SH2D4A: variants seen among roughly 807,000 people sequenced by gnomAD.
The protein encoded by SH2D4A is SH2 domain-containing protein 4A.
Under a neutral mutation model 64.7 loss-of-function variants are expected in SH2D4A, and 70 were observed. That is an observed-to-expected ratio of 1.08 (90% confidence interval 0.89 to 1.32). The LOEUF is 1.32. Ranked by LOEUF, SH2D4A falls within the 40% of genes most tolerant of loss-of-function variation. The pLI is 0.00. For synonymous variants in SH2D4A, 268 were observed against 200.7 expected (o/e 1.34, Z -2.83); for missense variants, 706 against 540.1 (o/e 1.31, Z -3.04).
At chr8:19,330,957 C>T (rs1027656419) in intron 2 of SH2D4A, among the ~76,000 whole-genome samples, 3 of 152,218 alleles carry the variant, frequency 2.0e-5, no homozygotes, top group Non-Finnish European at 4.4e-5. Flanking sequence ...GCACTGGTGC[C>T]CAGCCCCATT....
chr8:19,395,811 T>C lies in SH2D4A; in HGVS notation c.*1169T>C, dbSNP rs2053580712. ...ATAAATGTCTGTTGTTTTAAGCTGCTTAGTTCATGCTGAGTTCATGCTGAC... is the reference window on the plus strand; with the variant it reads ...ATAAATGTCTGTTGTTTTAAGCTGCCTAGTTCATGCTGAGTTCATGCTGAC... On this transcript the variant is annotated 3_prime_UTR_variant, in exon 10 of 10. Transcript: ENST00000265807. The C allele has an allele frequency of 6.6e-6, 1 of 152,218 alleles. No homozygotes were observed. Among genetic ancestry groups the C allele is most frequent in the South Asian group, 2.1e-4 (1 of 4,834 alleles). The allele number at this position is 152,218 out of a possible 1,614,324, so 9.4% of individuals were successfully genotyped here.
intron 4 of SH2D4A, among the ~76,000 whole-genome samples, chr8:19,353,776 A>G (rs2052747494): frequency 6.7e-6 from 1 of 149,280 alleles, no homozygotes. Context: ...GTGTAAGTGT[A>G]TCTAAATGAG....
At chr8:19,370,618 T>C (rs1056499596) in intron 7 of SH2D4A, among the ~76,000 whole-genome samples, 4 of 152,110 alleles carry the variant, frequency 2.6e-5, no homozygotes, top group Non-Finnish European at 5.9e-5. Context: ...TTCCAGACTA[T>C]GCATGTCCTT....
intron 7 of SH2D4A, among the ~76,000 whole-genome samples, chr8:19,365,213 G>GAAA (rs2052972370): frequency 6.6e-6 from 1 of 152,118 alleles, no homozygotes; most frequent in Non-Finnish European, 1.5e-5. Context: ...GACCTCAGGG[G>GAAA]AAACACAAAG....
intron 6 of SH2D4A, among the ~76,000 whole-genome samples, chr8:19,363,409 C>G (rs1438958976): frequency 6.6e-6 from 1 of 152,096 alleles, no homozygotes; most frequent in Non-Finnish European, 1.5e-5. Context: ...CACAAATACT[C>G]TTGTGTTACA....
In SH2D4A at chr8:19,363,896, C is replaced by T. The variant is rs528166765; in HGVS notation, c.707-176C>T. ...ATGAAGAGAGGAATCCTGCAGCGAACGCTGGGCAAGCCCTAATGGCCTGGA... is the reference window on the plus strand; with the variant it reads ...ATGAAGAGAGGAATCCTGCAGCGAATGCTGGGCAAGCCCTAATGGCCTGGA... On this transcript the variant is annotated intron_variant, in intron 6 of 9. Coordinates refer to ENST00000265807, the MANE Select transcript of SH2D4A (RefSeq NM_022071.4). 4.7e-4 allele frequency: 298 copies of T among 629,808 alleles called. 3 individuals carry two copies. The South Asian group carries it at 5.3e-3, about 11-fold the overall frequency. The allele number at this position is 629,808 out of a possible 1,614,324, so 39.0% of individuals were successfully genotyped here. A position where few individuals can be genotyped will look rare whatever the true frequency, so the allele number is the denominator to read the frequency against.
chr8:19,337,484 T>C (rs2052461634), intron 4 of SH2D4A, among the ~76,000 whole-genome samples: 1 of 152,042 alleles, frequency 6.6e-6, no homozygotes, highest in Non-Finnish European at 1.5e-5. Context: ...CACCCTGGAT[T>C]TAGGGTGGAT....
intron 4 of SH2D4A, among the ~76,000 whole-genome samples, chr8:19,341,963 G>A (rs1374462451): frequency 2.0e-5 from 3 of 152,132 alleles, no homozygotes; most frequent in Non-Finnish European, 4.4e-5. Context: ...CGAGGGCTGT[G>A]GAGAATGGGT....
chr8:19,321,252 C>T (rs953566299), intron 2 of SH2D4A, among the ~76,000 whole-genome samples: 5 of 151,954 alleles, frequency 3.3e-5, no homozygotes, highest in Non-Finnish European at 5.9e-5. Flanking sequence ...CTCACTCTGT[C>T]GCCCTGGTTG....
chr8:19,382,216 C>G (rs1373552107), intron 8 of SH2D4A, among the ~76,000 whole-genome samples: 2 of 151,978 alleles, frequency 1.3e-5, no homozygotes, highest in South Asian at 2.1e-4. Context: ...TTTTGTTTAC[C>G]CAGAAATGTC....
intron 4 of SH2D4A, among the ~76,000 whole-genome samples, chr8:19,349,079 G>T (rs2052657497): frequency 6.6e-6 from 1 of 152,144 alleles, no homozygotes; most frequent in Non-Finnish European, 1.5e-5. Context: ...TCCAAGCTAG[G>T]AGTCATTTGC....
chr8:19,383,476 TC>T (rs974542022), intron 8 of SH2D4A, among the ~76,000 whole-genome samples: 6 of 151,988 alleles, frequency 3.9e-5, no homozygotes, highest in African/African-American at 1.4e-4. Context: ...TGTCATTGGG[TC>T]TTTTTCAGTG....
intron 4 of SH2D4A, among the ~76,000 whole-genome samples, chr8:19,355,658 T>A (rs1428899204): frequency 6.6e-6 from 1 of 152,172 alleles, no homozygotes; most frequent in Non-Finnish European, 1.5e-5. Context: ...TGAGACTTGG[T>A]TTCCTCATCT....
chr8:19,381,283 C>G (rs2053289066), intron 8 of SH2D4A, among the ~76,000 whole-genome samples: 1 of 152,176 alleles, frequency 6.6e-6, no homozygotes, highest in African/African-American at 2.4e-5. Flanking sequence ...CTCCTGACCT[C>G]AAGTGATCCA....
chr8:19,391,433 G>GAT (rs1244908811), intron 8 of SH2D4A, among the ~76,000 whole-genome samples: 1 of 152,146 alleles, frequency 6.6e-6, no homozygotes, highest in Admixed American at 6.5e-5. Context: ...GACTGGACAT[G>GAT]ATACATGCAA....
intron 1 of SH2D4A, among the ~76,000 whole-genome samples, chr8:19,318,295 G>C (rs1387721775): frequency 6.6e-6 from 1 of 152,098 alleles, no homozygotes; most frequent in Non-Finnish European, 1.5e-5. Context: ...AAAGTCTTTT[G>C]TTTTCCAGAA....
intron 1 of SH2D4A, among the ~76,000 whole-genome samples, chr8:19,314,553 C>T (rs1364841489): frequency 1.3e-5 from 2 of 152,162 alleles, no homozygotes; most frequent in Admixed American, 1.3e-4. Context: ...CCGGAAGGAG[C>T]TACAGTTTGT....
chr8:19,395,268 C>G lies in SH2D4A; in HGVS notation c.*626C>G, dbSNP rs79855293. The G allele has an allele frequency of 2.6e-5, 4 of 152,304 alleles. No homozygotes were observed. In the East Asian group the frequency reaches 7.7e-4, roughly 29 times the overall value. 9.4% of individuals were successfully genotyped at this position (152,304 alleles called of 1,614,324 possible). A position where few individuals can be genotyped will look rare whatever the true frequency, so the allele number is the denominator to read the frequency against. ...ACATCGCTGAGTTTGTTTTCTTGTT[C>G]GGGAGAATGGGGCCGGGGCTGGCCT... On this transcript the variant is annotated 3_prime_UTR_variant, in exon 10 of 10. Transcript: ENST00000265807.
chr8:19,389,474 C>T (rs2053449436), intron 8 of SH2D4A, among the ~76,000 whole-genome samples: 2 of 152,170 alleles, frequency 1.3e-5, no homozygotes, highest in South Asian at 4.1e-4. Context: ...AGTGGGACCT[C>T]CTCCAGCTGC....
Sources: gnomAD v4.1 joint callset for allele counts (sites outside exome capture counted in the v4.1 genomes callset) on GRCh38, gnomAD v4.1.1 for gene constraint, MANE v1.5 for transcripts, NCBI Gene and HGNC (gene_info 2026-07-23, HGNC 2026-07-21) for gene names.